Variants in SYT14 observed in about 807,000 individuals in gnomAD.
SYT14 encodes the protein synaptotagmin-14.
A neutral mutation model predicts 74.2 loss-of-function variants in SYT14; 32 were observed. The observed-to-expected ratio is 0.43, with a 90% CI of 0.33 to 0.58. SYT14 has a LOEUF of 0.58. SYT14 is among the 20% of genes least tolerant of loss of function. SYT14 has a pLI of 0.05. For missense variants in SYT14, 791 were observed against 981.8 expected (o/e 0.81, Z 2.60); for synonymous variants, 298 against 337.7 (o/e 0.88, Z 1.29).
chr1:210,134,681 C>G (rs769663581), intron 7 of SYT14, among the ~76,000 whole-genome samples: 5 of 152,220 alleles, frequency 3.3e-5, no homozygotes, highest in Middle Eastern at 3.4e-3. Context: ...CCTAAACATG[C>G]TTTTCCTCCT....
chr1:210,029,020 T>C (rs1454246095), intron 5 of SYT14, among the ~76,000 whole-genome samples: 1 of 152,164 alleles, frequency 6.6e-6, no homozygotes, highest in Non-Finnish European at 1.5e-5. Context: ...TCTCCTTAAT[T>C]ATTAGCGACA....
Position 209,951,890 on chromosome 1 carries a change from A to T in SYT14, c.-533-819A>T, listed in dbSNP as rs112495123. Among the ~76,000 whole-genome samples the T allele has an allele frequency of 3.6e-3, 553 of 152,320 alleles. 5 individuals carry two copies. The highest frequency in any genetic ancestry group is 0.013 in the African/African-American group (538 of 41,568). On this transcript the variant is annotated intron_variant, in intron 1 of 9. Coordinates refer to ENST00000637265, the Ensembl canonical transcript of SYT14. ...AAAGAAGTAGGACTCAAAAATGCCCACTTAACAATTCCACTTGTATAAATT... is the reference window on the plus strand; with the variant it reads ...AAAGAAGTAGGACTCAAAAATGCCCTCTTAACAATTCCACTTGTATAAATT...
intron 7 of SYT14, among the ~76,000 whole-genome samples, chr1:210,139,098 T>A (rs1196797961): frequency 2.6e-5 from 4 of 151,332 alleles, no homozygotes; most frequent in East Asian, 1.9e-4. Flanking sequence ...TTATTTTTTT[T>A]TTTTTTGAGA....
exon 10 of SYT14, chr1:210,163,327 A>C: frequency 8.8e-6 from 4 of 453,762 alleles, no homozygotes; most frequent in South Asian, 6.2e-5. Flanking sequence ...TTTATCTGGC[A>C]TAAGTATCAA....
intron 2 of SYT14, among the ~76,000 whole-genome samples, chr1:209,973,939 A>G (rs1473070346): frequency 6.6e-6 from 1 of 151,970 alleles, no homozygotes; most frequent in Non-Finnish European, 1.5e-5. Flanking sequence ...TGTGGTTTTG[A>G]TTTGCATTTC....
At chr1:210,155,166 C>G (rs538861963) in intron 7 of SYT14, among the ~76,000 whole-genome samples, 1 of 152,262 alleles carries the variant, frequency 6.6e-6, no homozygotes, top group East Asian at 1.9e-4. Context: ...TCTTCAATCT[C>G]TAGTGGTGAT....
intron 2 of SYT14, among the ~76,000 whole-genome samples, 158 bp from the exon 3 acceptor site, chr1:210,013,475 A>C (rs561168677): frequency 2.6e-5 from 4 of 152,258 alleles, no homozygotes; most frequent in Non-Finnish European, 5.9e-5. Flanking sequence ...CAAACTTTGC[A>C]GTTTGTTTTT....
At chr1:210,077,621 A>G (rs1416926981) in intron 5 of SYT14, among the ~76,000 whole-genome samples, 2 of 152,210 alleles carry the variant, frequency 1.3e-5, no homozygotes, top group African/African-American at 4.8e-5. Flanking sequence ...GTACAAGTCA[A>G]ATTGCAGGGT....
At chr1:209,946,852 G>T (rs957762663) in intron 1 of SYT14, among the ~76,000 whole-genome samples, 3 of 152,196 alleles carry the variant, frequency 2.0e-5, no homozygotes, top group Non-Finnish European at 4.4e-5. Context: ...AGGACAGGCT[G>T]ACTCTCTTGT....
chr1:209,948,468 A>G (rs1405568156), intron 1 of SYT14, among the ~76,000 whole-genome samples: 1 of 152,220 alleles, frequency 6.6e-6, no homozygotes, highest in Non-Finnish European at 1.5e-5. Context: ...GAGGGAAAAG[A>G]TGGTAACTTT....
Position 210,100,647 on chromosome 1 carries a change from C to T in SYT14, c.2034+186C>T, listed in dbSNP as rs149028491. Among the ~76,000 whole-genome samples the T allele has an allele frequency of 5.3e-5, 8 of 152,188 alleles. No homozygotes were observed. The East Asian group carries it at 1.5e-3, about 29-fold the overall frequency. ...ACTTTTTCTTACCTAAAAAAGTTGC[C>T]CTTGAAGATAATTTGTGATTTATGT... On this transcript the variant is annotated intron_variant, in intron 7 of 9. Transcript: ENST00000637265.
chr1:209,938,406 C>CG, intron 1 of SYT14, 129 bp downstream of exon 1: 14 of 876,432 alleles, frequency 1.6e-5, no homozygotes, highest in Non-Finnish European at 2.1e-5. Context: ...TGAAGACGCG[C>CG]GGGGGTCCTG....
At chr1:209,963,976 G>A (rs986762956) in intron 2 of SYT14, among the ~76,000 whole-genome samples, 1 of 152,150 alleles carries the variant, frequency 6.6e-6, no homozygotes, top group African/African-American at 2.4e-5. Context: ...CTGACAATTT[G>A]CAATACTACT....
chr1:210,115,506 CT>C (rs2082342239), intron 7 of SYT14, among the ~76,000 whole-genome samples: 1 of 151,460 alleles, frequency 6.6e-6, no homozygotes, highest in East Asian at 1.9e-4. Flanking sequence ...GGAAGACTGT[CT>C]TCCAGAGTCC....
chr1:210,102,015 T>G (rs2102551162), intron 7 of SYT14, among the ~76,000 whole-genome samples: 1 of 152,342 alleles, frequency 6.6e-6, no homozygotes, highest in Non-Finnish European at 1.5e-5. Context: ...AGTCATTGAT[T>G]CTGTAATCTT....
chr1:210,063,924 T>C (rs560697592), intron 5 of SYT14, among the ~76,000 whole-genome samples: 1 of 152,048 alleles, frequency 6.6e-6, no homozygotes, highest in Non-Finnish European at 1.5e-5. Flanking sequence ...TTCTAATCTT[T>C]TAAAGTCCTT....
At chr1:210,017,166 A>G in intron 4 of SYT14, 1 of 1,103,096 alleles carries the variant, frequency 9.1e-7, no homozygotes, top group African/African-American at 1.6e-5. Flanking sequence ...TTAGTAAAAC[A>G]TCATCCAAAT....
At chr1:210,094,196 A>G in intron 5 of SYT14, 126 bp from the exon 5 acceptor site, 1 of 1,265,154 alleles carries the variant, frequency 7.9e-7, no homozygotes, top group Non-Finnish European at 1.1e-6. Context: ...AGTCATTAGT[A>G]AATCTAATAG....
chr1:210,004,996 A>T (rs533893813), intron 2 of SYT14, among the ~76,000 whole-genome samples: 1 of 152,114 alleles, frequency 6.6e-6, no homozygotes, highest in Admixed American at 6.5e-5. Flanking sequence ...TATGATGTTG[A>T]TGTTGAGCTC....
Sources: gnomAD v4.1 joint callset for allele counts (sites outside exome capture counted in the v4.1 genomes callset) on GRCh38, gnomAD v4.1.1 for gene constraint, MANE v1.5 for transcripts, NCBI Gene and HGNC (gene_info 2026-07-23, HGNC 2026-07-21) for gene names.